The following SEZ6L variants were observed in gnomAD, a reference collection of about 807,000 sequenced individuals.
The protein encoded by SEZ6L is seizure 6-like protein.
In SEZ6L, 37 loss-of-function variants were observed where a neutral mutation model predicts 106.2. The ratio of observed to expected loss-of-function variants is 0.35; its 90% CI spans 0.27 to 0.46. SEZ6L has a LOEUF of 0.46. Ranked by LOEUF, SEZ6L falls within the 20% of genes least tolerant of loss-of-function variation. The probability of loss-of-function intolerance (pLI) is 1.00; values close to 1 mark genes in which losing one functional copy is unlikely to be tolerated. For missense variants in SEZ6L, 1,172 were observed against 1,332.8 expected (o/e 0.88, Z 1.88); for synonymous variants, 541 against 570.4 (o/e 0.95, Z 0.73).
intron 1 of SEZ6L, chr22:26,244,202 G>A (rs1192129120): frequency 7.1e-6 from 1 of 141,838 alleles, no homozygotes; most frequent in Non-Finnish European, 1.5e-5. Context: ...AGAAAAATGA[G>A]CAGGGTGACC....
At chr22:26,368,995 C>T (rs2083912249) in intron 13 of SEZ6L, among the ~76,000 whole-genome samples, 1 of 152,156 alleles carries the variant, frequency 6.6e-6, no homozygotes, top group South Asian at 2.1e-4. Flanking sequence ...AGCATGGAAA[C>T]CTAGGTGTGT....
At chr22:26,182,131 G>A (rs1939439370) in intron 1 of SEZ6L, among the ~76,000 whole-genome samples, 2 of 152,160 alleles carry the variant, frequency 1.3e-5, no homozygotes, top group Admixed American at 1.3e-4. Context: ...AACTCAATAA[G>A]TGCAGACATG....
chr22:26,373,748 A>G (rs1169101783), intron 14 of SEZ6L, among the ~76,000 whole-genome samples: 1 of 152,212 alleles, frequency 6.6e-6, no homozygotes, highest in Non-Finnish European at 1.5e-5. Flanking sequence ...CTCAGAGCCC[A>G]TAAGCCTGAG....
chr22:26,213,101 A>G (rs2145706946), intron 1 of SEZ6L, among the ~76,000 whole-genome samples: 1 of 152,306 alleles, frequency 6.6e-6, no homozygotes, highest in South Asian at 2.1e-4. Flanking sequence ...CATTCCTCCC[A>G]CTAATAATGG....
At chr22:26,375,739 T>A (rs555930268) in intron 15 of SEZ6L, 50 bp downstream of exon 15, 1 of 1,408,594 alleles carries the variant, frequency 7.1e-7, no homozygotes, top group African/African-American at 1.4e-5. Context: ...CCACCAGTAC[T>A]CAGAGGGACT....
At chr22:26,240,108 A>ACT (rs1569410078) in intron 1 of SEZ6L, among the ~76,000 whole-genome samples, 2 of 150,152 alleles carry the variant, frequency 1.3e-5, no homozygotes, top group Non-Finnish European at 3.0e-5. Context: ...ACACACACAC[A>ACT]CACACACACA....
At chr22:26,339,461 G>T (rs1230082989) in intron 9 of SEZ6L, among the ~76,000 whole-genome samples, 1 of 152,170 alleles carries the variant, frequency 6.6e-6, no homozygotes, top group African/African-American at 2.4e-5. Flanking sequence ...TGTTTCTGTG[G>T]TATAGTGAAG....
rs134772 is a variant in SEZ6L, at chr22:26,207,910, A to ATTTTTTTTTTTT, written c.94+38153_94+38164dup. On this transcript the variant is annotated intron_variant, in intron 1 of 16. Transcript: ENST00000248933. ...ATTTTTGCTTTAAATATTCATGTGTATTTTTTTTTTTTTTTTTGAGACGGA... is the reference window on the plus strand; with the variant it reads ...ATTTTTGCTTTAAATATTCATGTGTATTTTTTTTTTTTTTTTTTTTTTTTTTTTTGAGACGGA... 1.3e-3 allele frequency among the ~76,000 whole-genome samples: 182 copies of ATTTTTTTTTTTT among 138,442 alleles called. 5 individuals are homozygous for ATTTTTTTTTTTT. The South Asian group carries it at 0.028, about 21-fold the overall frequency. 90.8% of individuals were successfully genotyped at this position (138,442 alleles called of 152,430 possible). A position where few individuals can be genotyped will look rare whatever the true frequency, so the allele number is the denominator to read the frequency against.
At chr22:26,336,819 A>T (rs895919077) in intron 9 of SEZ6L, among the ~76,000 whole-genome samples, 6 of 152,180 alleles carry the variant, frequency 3.9e-5, no homozygotes, top group African/African-American at 1.4e-4. Flanking sequence ...ATGTTTCCAG[A>T]CATTGCCAAA....
chr22:26,318,368 C>T (rs1051051811), intron 9 of SEZ6L, among the ~76,000 whole-genome samples: 3 of 150,730 alleles, frequency 2.0e-5, no homozygotes, highest in Admixed American at 6.6e-5. Flanking sequence ...GCCACTGCCC[C>T]GGGCCATAAT....
Position 26,313,773 on chromosome 22 carries a change from G to GTGGGGAGCTCTCTGCTGTGGC in SEZ6L, c.1892_1912dup (p.Glu631_Gly637dup). On this transcript the variant is annotated inframe_insertion, in exon 9 of 17. Coordinates refer to ENST00000248933, the MANE Select transcript of SEZ6L (RefSeq NM_021115.5). ...TGTCTGTCTTTTACAGCCATGTGTG[G>GTGGGGAGCTCTCTGCTGTGGC]TGGGGAGCTCTCTGCTGTGGCTGGG... The GTGGGGAGCTCTCTGCTGTGGC allele has an allele frequency of 6.2e-7, 1 of 1,609,778 alleles. No homozygotes were observed.
chr22:26,287,276 T>C (rs1324121459), intron 1 of SEZ6L, among the ~76,000 whole-genome samples: 1 of 152,162 alleles, frequency 6.6e-6, no homozygotes, highest in Non-Finnish European at 1.5e-5. Flanking sequence ...CTGTTTGATC[T>C]CTGTAGTTGA....
intron 1 of SEZ6L, among the ~76,000 whole-genome samples, chr22:26,228,032 C>G (rs1473091097): frequency 6.6e-6 from 1 of 152,200 alleles, no homozygotes; most frequent in Non-Finnish European, 1.5e-5. Context: ...GACAGGGAGC[C>G]TGCTTCCTCT....
chr22:26,287,316 C>T (rs1264582316), intron 1 of SEZ6L, among the ~76,000 whole-genome samples: 2 of 152,068 alleles, frequency 1.3e-5, no homozygotes, highest in African/African-American at 4.8e-5. Context: ...TTCCTAACTC[C>T]TTGAGGGCAG....
chr22:26,334,545 C>T (rs1274664514), intron 9 of SEZ6L, among the ~76,000 whole-genome samples: 1 of 152,206 alleles, frequency 6.6e-6, no homozygotes, highest in South Asian at 2.1e-4. Context: ...GGGAGCAGAT[C>T]TGATTTACCT....
At chr22:26,179,425 C>T (rs1440006438) in intron 1 of SEZ6L, among the ~76,000 whole-genome samples, 1 of 152,148 alleles carries the variant, frequency 6.6e-6, no homozygotes, top group East Asian at 1.9e-4. Flanking sequence ...CACCTTACCC[C>T]TTTCACCATG....
At chr22:26,220,409 T>C (rs2078429925) in intron 1 of SEZ6L, among the ~76,000 whole-genome samples, 1 of 152,102 alleles carries the variant, frequency 6.6e-6, no homozygotes, top group African/African-American at 2.4e-5. Flanking sequence ...CCACATCCCT[T>C]TGAGGCAGGC....
At chr22:26,378,053 C>T (rs950825420) in intron 16 of SEZ6L, among the ~76,000 whole-genome samples, 27 of 152,156 alleles carry the variant, frequency 1.8e-4, no homozygotes, top group African/African-American at 5.1e-4. Flanking sequence ...AGCAGACCAA[C>T]GGTGGCCTGG....
In SEZ6L at chr22:26,375,661, C is replaced by A; in HGVS notation, c.2914C>A (p.Leu972Met). The change falls in exon 15 of 17, where the codon CTG becomes ATG. Residue 972 changes from leucine to methionine, a missense_variant. Around this residue, in one of 4 missense-constraint regions of SEZ6L, gnomAD observed 141 missense variants for 176.0 expected, o/e 0.80. Transcript: ENST00000248933. Reference protein sequence around the residue: ...FIPVLIISLLLGGAYIYITRC... With the variant: ...FIPVLIISLLMGGAYIYITRC... ...CCCGGTCCTCATCATCTCCTTACTG[C>A]TGGGAGGAGCCTACATTTACATCAC... The A allele has an allele frequency of 6.2e-7, 1 of 1,613,950 alleles. No homozygotes were observed. Among genetic ancestry groups the A allele is most frequent in the Non-Finnish European group, 8.5e-7 (1 of 1,179,888 alleles).
Sources: allele counts gnomAD v4.1 joint callset (sites outside exome capture counted in the v4.1 genomes callset), GRCh38; gene constraint gnomAD v4.1.1; regional missense constraint gnomAD v4.1.1; transcripts MANE v1.5; gene names NCBI Gene and HGNC (gene_info 2026-07-23, HGNC 2026-07-21).